Variants in ILRUN observed in about 807,000 individuals in gnomAD.
The protein encoded by ILRUN is protein ILRUN.
A neutral mutation model predicts 33.8 loss-of-function variants in ILRUN; 3 were observed. That is an observed-to-expected ratio of 0.09 (90% confidence interval 0.04 to 0.23). The LOEUF is 0.23. Ranked by LOEUF, ILRUN falls within the 10% of genes least tolerant of loss-of-function variation. The probability of loss-of-function intolerance (pLI) is 1.00; values close to 1 mark genes in which losing one functional copy is unlikely to be tolerated. For missense variants in ILRUN, 210 were observed against 375.1 expected (o/e 0.56, Z 3.64); for synonymous variants, 124 against 138.9 (o/e 0.89, Z 0.75).
chr6:34,662,865 C>T (rs948843866), intron 1 of ILRUN, among the ~76,000 whole-genome samples: 22 of 152,276 alleles, frequency 1.4e-4, no homozygotes, highest in Non-Finnish European at 3.2e-4. Context: ...CTGCTTGAGC[C>T]CAAGACTGGT....
Position 34,587,813 on chromosome 6 carries a change from C to T in ILRUN, c.*2752G>A, listed in dbSNP as rs558820171. On this transcript the variant is annotated 3_prime_UTR_variant, in exon 5 of 5. Coordinates refer to ENST00000374023, the MANE Select transcript of ILRUN (RefSeq NM_024294.4). ...GTGCACATCCATCCACACACACACA[C>T]CTCACTCCATGCACACTGACAGATT... 5.3e-6 allele frequency: 2 copies of T among 379,226 alleles called. No homozygotes were observed. Among genetic ancestry groups the T allele is most frequent in the East Asian group, 3.8e-5 (1 of 26,534 alleles). The allele number at this position is 379,226 out of a possible 1,614,324, so 23.5% of individuals were successfully genotyped here. A position where few individuals can be genotyped will look rare whatever the true frequency, so the allele number is the denominator to read the frequency against.
At chr6:34,660,059 G>C (rs1762856115) in intron 1 of ILRUN, among the ~76,000 whole-genome samples, 1 of 151,910 alleles carries the variant, frequency 6.6e-6, no homozygotes, top group Admixed American at 6.6e-5. Flanking sequence ...CAGCACCTTG[G>C]GAGGCGCAGA....
At chr6:34,611,777 G>A (rs1013893460) in intron 3 of ILRUN, among the ~76,000 whole-genome samples, 2 of 152,170 alleles carry the variant, frequency 1.3e-5, no homozygotes, top group African/African-American at 2.4e-5. Flanking sequence ...GAAGTCTAGA[G>A]GTAAAAGTGA....
intron 4 of ILRUN, among the ~76,000 whole-genome samples, chr6:34,600,796 C>T (rs745611379): frequency 5.3e-5 from 8 of 152,150 alleles, no homozygotes; most frequent in Non-Finnish European, 1.2e-4. Context: ...TCATTTAAAA[C>T]GTAGCTGTAC....
At position 34,683,673 on chromosome 6, in the gene ILRUN, T is replaced by C. The variant is rs1763456983; in HGVS notation, c.158+12773A>G. ...TCATCTTTAGTACAGGGGTTACAAA[T>C]GAGTAGCCCAAGGGCTACATTCTGC... On this transcript the variant is annotated intron_variant, in intron 1 of 4. Coordinates refer to ENST00000374023, the MANE Select transcript of ILRUN (RefSeq NM_024294.4). Among the ~76,000 whole-genome samples the C allele has an allele frequency of 2.0e-5, 3 of 151,658 alleles. No individual in the cohort carries two copies. The South Asian group carries it at 6.2e-4, about 31-fold the overall frequency.
intron 1 of ILRUN, among the ~76,000 whole-genome samples, chr6:34,681,651 T>A (rs1207388586): frequency 6.6e-6 from 1 of 152,114 alleles, no homozygotes; most frequent in East Asian, 1.9e-4. Flanking sequence ...GTTTTAGTCC[T>A]GTTGCATTTT....
At chr6:34,623,288 T>C (rs1291852449) in intron 3 of ILRUN, among the ~76,000 whole-genome samples, 1 of 152,220 alleles carries the variant, frequency 6.6e-6, no homozygotes, top group Non-Finnish European at 1.5e-5. Flanking sequence ...GCCTACTGAT[T>C]CTGTTATTTG....
At chr6:34,607,997 G>A (rs1761668725) in intron 3 of ILRUN, among the ~76,000 whole-genome samples, 1 of 152,122 alleles carries the variant, frequency 6.6e-6, no homozygotes, top group Non-Finnish European at 1.5e-5. Context: ...GGGGACAGAG[G>A]TGGGAGGATC....
intron 2 of ILRUN, among the ~76,000 whole-genome samples, chr6:34,651,502 T>C (rs1027344046): frequency 3.3e-5 from 5 of 152,076 alleles, no homozygotes; most frequent in Non-Finnish European, 7.3e-5. Flanking sequence ...AGTAAGTAGA[T>C]ATATCAAGAG....
At chr6:34,669,287 C>CTT (rs1763067275) in intron 1 of ILRUN, among the ~76,000 whole-genome samples, 1 of 135,246 alleles carries the variant, frequency 7.4e-6, no homozygotes, top group African/African-American at 2.9e-5. Context: ...TCACACCCAG[C>CTT]TATTTTTTTT....
At chr6:34,685,468 C>T (rs2127387914) in intron 1 of ILRUN, 1 of 152,342 alleles carries the variant, frequency 6.6e-6, no homozygotes, top group East Asian at 1.9e-4. Context: ...CTCACCCCCT[C>T]CTTAGGCAAC....
chr6:34,604,342 G>A (rs1474142012), intron 4 of ILRUN, among the ~76,000 whole-genome samples: 2 of 152,160 alleles, frequency 1.3e-5, no homozygotes, highest in Non-Finnish European at 2.9e-5. Flanking sequence ...TCACAGAGGT[G>A]GTTAAAAAGC....
intron 3 of ILRUN, among the ~76,000 whole-genome samples, chr6:34,624,038 G>T (rs1762064822): frequency 6.6e-6 from 1 of 152,054 alleles, no homozygotes; most frequent in Non-Finnish European, 1.5e-5. Flanking sequence ...CACCATGTTG[G>T]CCAGGCTGGT....
chr6:34,656,434 A>G (rs1762773613), intron 1 of ILRUN, among the ~76,000 whole-genome samples: 1 of 152,120 alleles, frequency 6.6e-6, no homozygotes, highest in African/African-American at 2.4e-5. Context: ...AAGGGCCACT[A>G]AAGGGTTTCA....
intron 1 of ILRUN, among the ~76,000 whole-genome samples, chr6:34,691,457 A>G (rs9462002): frequency 0.17 from 25,588 of 152,188 alleles, 2,941 homozygotes; most frequent in African/African-American, 0.32. Flanking sequence ...TCAGGTATAA[A>G]TGCTACAAAC....
Position 34,674,286 on chromosome 6 carries a change from C to T in ILRUN, c.159-19507G>A, listed in dbSNP as rs539947796. ...AGGTGATTTGCCTGCCTCAGCCTCC[C>T]AAAGTGCTGGGATTATAGGCGTGAG... is the stretch of plus-strand genomic sequence containing the variant. On this transcript the variant is annotated intron_variant, in intron 1 of 4. Coordinates refer to ENST00000374023, the MANE Select transcript of ILRUN (RefSeq NM_024294.4). 3.7e-4 allele frequency among the ~76,000 whole-genome samples: 56 copies of T among 152,324 alleles called. No individual in the cohort carries two copies. In the South Asian group the frequency reaches 9.3e-3, roughly 25 times the overall value.
intron 3 of ILRUN, chr6:34,616,912 G>A (rs757004158): frequency 3.3e-6 from 2 of 610,970 alleles, no homozygotes; most frequent in Admixed American, 1.9e-5. Flanking sequence ...TTAACATGCT[G>A]AGGATTGTAG....
chr6:34,617,166 T>C (rs1316452449), intron 3 of ILRUN: 5 of 505,382 alleles, frequency 9.9e-6, no homozygotes, highest in Non-Finnish European at 1.9e-5. Context: ...CTGCATTAAG[T>C]GGAATGAAGA....
chr6:34,694,016 T>C (rs1763704347), intron 1 of ILRUN, among the ~76,000 whole-genome samples: 1 of 152,004 alleles, frequency 6.6e-6, no homozygotes, highest in African/African-American at 2.4e-5. Context: ...AGACAGGATC[T>C]CACTATGTCA....
Sources: gnomAD v4.1 joint callset for allele counts (sites outside exome capture counted in the v4.1 genomes callset) on GRCh38, gnomAD v4.1.1 for gene constraint, MANE v1.5 for transcripts, NCBI Gene and HGNC (gene_info 2026-07-23, HGNC 2026-07-21) for gene names.